THSD7A: variants seen among roughly 807,000 people sequenced by gnomAD.
THSD7A encodes thrombospondin type 1 domain containing 7A.
THSD7A carries 96 observed loss-of-function variants against 231.3 expected under a neutral mutation model. The observed-to-expected ratio is 0.41, with a 90% CI of 0.35 to 0.49. THSD7A has a LOEUF of 0.49. Among genes scored for constraint, THSD7A ranks in the 20% least tolerant of loss-of-function variants. The probability of loss-of-function intolerance (pLI) is 0.05; values close to 1 mark genes in which losing one functional copy is unlikely to be tolerated. For missense variants in THSD7A, 2,290 were observed against 2,070.2 expected (o/e 1.11, Z -2.06); for synonymous variants, 940 against 743.3 (o/e 1.26, Z -4.30).
intron 4 of THSD7A, among the ~76,000 whole-genome samples, chr7:11,562,955 T>C (rs536466659): frequency 6.6e-6 from 1 of 152,246 alleles, no homozygotes; most frequent in African/African-American, 2.4e-5. Flanking sequence ...AAGAAGGTTC[T>C]ATGGATGATT....
intron 6 of THSD7A, among the ~76,000 whole-genome samples, chr7:11,510,768 C>T (rs1008656148): frequency 1.2e-4 from 18 of 152,116 alleles, no homozygotes; most frequent in Non-Finnish European, 2.4e-4. Context: ...ATTGATGGAA[C>T]GTATCTCAAA....
rs114262581 is a variant in THSD7A, at chr7:11,546,606, C to G, written c.1454-3489G>C. Among the ~76,000 whole-genome samples the G allele has an allele frequency of 5.0e-3, 760 of 152,228 alleles. 9 individuals are homozygous for G. Among genetic ancestry groups the G allele is most frequent in the African/African-American group, 0.017 (724 of 41,528 alleles). On this transcript the variant is annotated intron_variant, in intron 4 of 27. Transcript: ENST00000423059. ...TTTCAAAGATTTAAGGAACATCAGC[C>G]CATACAGATGAGAGAAAAACCAGCA... is the stretch of plus-strand genomic sequence containing the variant.
intron 1 of THSD7A, among the ~76,000 whole-genome samples, chr7:11,765,125 C>T (rs561784732): frequency 4.8e-4 from 73 of 151,866 alleles, no homozygotes; most frequent in African/African-American, 1.7e-3. Context: ...GAAACTGATA[C>T]TGGAAAATGT....
chr7:11,644,048 T>TA (rs35693247), intron 1 of THSD7A, among the ~76,000 whole-genome samples: 114 of 145,684 alleles, frequency 7.8e-4, no homozygotes, highest in East Asian at 2.0e-3. Context: ...ATCCTTTGAC[T>TA]AAAAAAAAAA....
chr7:11,567,271 C>A (rs995030294), intron 4 of THSD7A, among the ~76,000 whole-genome samples: 1 of 152,056 alleles, frequency 6.6e-6, no homozygotes, highest in Non-Finnish European at 1.5e-5. Context: ...ACTTCCCCCT[C>A]AAGGCAGCAG....
chr7:11,686,184 A>ACT (rs1780045718), intron 1 of THSD7A, among the ~76,000 whole-genome samples: 1 of 151,730 alleles, frequency 6.6e-6, no homozygotes. Context: ...GGGATTCCCA[A>ACT]AGGTGGGGAG....
chr7:11,617,918 A>G (rs995018600), intron 2 of THSD7A, among the ~76,000 whole-genome samples: 1 of 152,212 alleles, frequency 6.6e-6, no homozygotes, highest in Non-Finnish European at 1.5e-5. Flanking sequence ...GCACACCAAC[A>G]TGGCACATGT....
rs79014379 is a variant in THSD7A at position 11,634,747 on chromosome 7, C to T, written c.1022+1383G>A. ...CCGTACAGCTGAAATAAAATGCAAT[C>T]GTGTCAATACAAAGAGGGGAGAGAG... On this transcript the variant is annotated intron_variant, in intron 2 of 27. Transcript: ENST00000423059. This position sits in a 1 kb window ranked among gnomAD's most constrained non-coding sequence, Gnocchi z 4.1. Among the ~76,000 whole-genome samples the T allele has an allele frequency of 7.5e-4, 114 of 151,996 alleles. No homozygotes were observed. Among genetic ancestry groups the T allele is most frequent in the African/African-American group, 2.4e-3 (100 of 41,468 alleles).
chr7:11,757,688 C>T (rs1409051197), intron 1 of THSD7A, among the ~76,000 whole-genome samples: 2 of 151,848 alleles, frequency 1.3e-5, no homozygotes, highest in African/African-American at 2.4e-5. Flanking sequence ...ATTATAAGTT[C>T]TGTTTTTTGA....
At chr7:11,554,388 C>A (rs10279074) in intron 4 of THSD7A, among the ~76,000 whole-genome samples, 9,457 of 151,944 alleles carry the variant, frequency 0.062, 1,019 homozygotes, top group African/African-American at 0.21. Context: ...ACCATTTGTT[C>A]CAGTGTTAGG....
chr7:11,456,272 CTT>C (rs1359685251), intron 11 of THSD7A, among the ~76,000 whole-genome samples: 1 of 151,954 alleles, frequency 6.6e-6, no homozygotes, highest in African/African-American at 2.4e-5. Context: ...GTTTTTCTCT[CTT>C]GTCTTCCATA....
chr7:11,504,741 C>T (rs759435343), intron 6 of THSD7A, among the ~76,000 whole-genome samples: 2 of 152,112 alleles, frequency 1.3e-5, no homozygotes, highest in Non-Finnish European at 2.9e-5. Context: ...TGAGATTCAA[C>T]TCAGTAAATC....
chr7:11,513,501 G>T (rs1483778638), intron 6 of THSD7A, among the ~76,000 whole-genome samples: 1 of 152,112 alleles, frequency 6.6e-6, no homozygotes, highest in Non-Finnish European at 1.5e-5. Context: ...CCATCATATG[G>T]ATGGACCTTG....
chr7:11,691,459 G>T (rs950432208), intron 1 of THSD7A, among the ~76,000 whole-genome samples: 2 of 151,386 alleles, frequency 1.3e-5, no homozygotes, highest in African/African-American at 4.8e-5. Context: ...GGGAGTAGAG[G>T]TTAACTTGGA....
chr7:11,554,149 A>T (rs1261466378), intron 4 of THSD7A, among the ~76,000 whole-genome samples: 3 of 152,030 alleles, frequency 2.0e-5, no homozygotes, highest in African/African-American at 7.2e-5. Flanking sequence ...GTGTTCCTGC[A>T]AACTTAATGT....
chr7:11,820,783 G>A (rs2128186995), intron 1 of THSD7A: 1 of 1,199,374 alleles, frequency 8.3e-7, no homozygotes, highest in Non-Finnish European at 1.2e-6. Flanking sequence ...GGGAGGAAGA[G>A]GAGGAGGATC....
In THSD7A at chr7:11,636,566, T is replaced by C; in HGVS notation, c.586A>G (p.Ile196Val). ...ACLIPCQQDC[I>V]VSEFSAWSEC... The stretch of plus-strand genomic sequence containing the variant: ...GACCAGGCAGAAAATTCAGACACGA[T>C]GCAATCTTGCTGGCAAGGAATGAGG... The change falls in exon 2 of 28, where the codon ATC becomes GTC. Residue 196 changes from isoleucine to valine, a missense_variant. Physicochemically the swap from Ile to Val is conservative, Grantham distance 29. Transcript: ENST00000423059. The surrounding 1 kb of genome is among the most constrained non-coding windows in gnomAD (Gnocchi z 10.0). The C allele has an allele frequency of 6.2e-7, 1 of 1,613,962 alleles. No homozygotes were observed. The highest frequency in any genetic ancestry group is 8.5e-7 in the Non-Finnish European group (1 of 1,179,894).
chr7:11,822,907 G>A (rs763871992), intron 1 of THSD7A, among the ~76,000 whole-genome samples: 46 of 152,050 alleles, frequency 3.0e-4, no homozygotes, highest in Admixed American at 5.2e-4. Flanking sequence ...CAGGTTGTCT[G>A]TTCACTCTGT....
At chr7:11,640,737 A>G (rs1024838552) in intron 1 of THSD7A, among the ~76,000 whole-genome samples, 5 of 152,186 alleles carry the variant, frequency 3.3e-5, no homozygotes, top group African/African-American at 7.2e-5. Context: ...ATATAAAAAT[A>G]TAATATTTTA....
Sources: allele counts gnomAD v4.1 joint callset (sites outside exome capture counted in the v4.1 genomes callset), GRCh38; gene constraint gnomAD v4.1.1; non-coding constraint Gnocchi (gnomAD v3.1); transcripts MANE v1.5; gene names NCBI Gene and HGNC (gene_info 2026-07-23, HGNC 2026-07-21).